The following MINDY4 variants were observed in gnomAD, a reference collection of about 807,000 sequenced individuals.
MINDY4 encodes MINDY lysine 48 deubiquitinase 4, also known as probable ubiquitin carboxyl-terminal hydrolase MINDY-4.
A neutral mutation model predicts 87.0 loss-of-function variants in MINDY4; 68 were observed. The ratio of observed to expected loss-of-function variants is 0.78; its 90% CI spans 0.64 to 0.96. MINDY4 has a LOEUF of 0.96. Among genes scored for constraint, MINDY4 ranks in the 40% least tolerant of loss-of-function variants. The pLI, the probability that MINDY4 is intolerant of heterozygous loss-of-function variation, is 0.00. For missense variants in MINDY4, 919 were observed against 928.2 expected (o/e 0.99, Z 0.13); for synonymous variants, 379 against 363.2 (o/e 1.04, Z -0.50).
intron 1 of MINDY4, 105 bp from the exon 2 acceptor site, chr7:30,778,327 A>C: frequency 7.1e-7 from 1 of 1,418,080 alleles, no homozygotes; most frequent in South Asian, 1.2e-5. Context: ...TAAAGGTTAT[A>C]TGAGAATTAT....
intron 1 of MINDY4, among the ~76,000 whole-genome samples, chr7:30,776,889 G>A (rs1257981390): frequency 2.6e-5 from 4 of 152,216 alleles, no homozygotes; most frequent in African/African-American, 7.2e-5. Flanking sequence ...TTTGTTGGGC[G>A]AATGAAGTTT....
intron 5 of MINDY4, among the ~76,000 whole-genome samples, chr7:30,805,979 A>G (rs1787794272): frequency 6.6e-6 from 1 of 152,204 alleles, no homozygotes; most frequent in Non-Finnish European, 1.5e-5. Context: ...CAGTGCTGAC[A>G]ATACCAGAGT....
intron 9 of MINDY4, among the ~76,000 whole-genome samples, chr7:30,845,020 T>C (rs751782574): frequency 2.0e-5 from 3 of 152,198 alleles, no homozygotes; most frequent in Non-Finnish European, 4.4e-5. Context: ...GGGTCACATC[T>C]GGCATCCCTG....
chr7:30,792,563 C>G (rs535181358), intron 5 of MINDY4, among the ~76,000 whole-genome samples: 11 of 152,116 alleles, frequency 7.2e-5, no homozygotes, highest in African/African-American at 2.7e-4. Context: ...TTTCAACTTT[C>G]TTCTTGTGTA....
intron 2 of MINDY4, chr7:30,781,388 C>T (rs1217354936): frequency 2.0e-5 from 3 of 152,308 alleles, no homozygotes; most frequent in Non-Finnish European, 4.4e-5. Flanking sequence ...ATACTGGTAT[C>T]GTTTAATTCC....
chr7:30,880,324 G>A (rs1381688390), intron 15 of MINDY4, among the ~76,000 whole-genome samples: 5 of 110,698 alleles, frequency 4.5e-5, no homozygotes, highest in East Asian at 5.4e-4. Flanking sequence ...CCCCGACTGC[G>A]GCCTTGCCCC....
intron 12 of MINDY4, among the ~76,000 whole-genome samples, chr7:30,857,110 G>A (rs1253766520): frequency 6.6e-6 from 1 of 152,172 alleles, no homozygotes; most frequent in Admixed American, 6.5e-5. Flanking sequence ...AAGACTGGAA[G>A]TTGCTTTGAA....
At chr7:30,845,534 A>C (rs1562551422) in intron 9 of MINDY4, among the ~76,000 whole-genome samples, 1 of 151,366 alleles carries the variant, frequency 6.6e-6, no homozygotes, top group African/African-American at 2.4e-5. Flanking sequence ...AAAAAAAAAA[A>C]AAGGGCAAGC....
chr7:30,824,413 T>C (rs1362880327), intron 5 of MINDY4, among the ~76,000 whole-genome samples: 1 of 152,132 alleles, frequency 6.6e-6, no homozygotes, highest in East Asian at 1.9e-4. Flanking sequence ...ACGGCCACAC[T>C]GGGGATTAAA....
At chr7:30,803,961 CAT>C (rs1787733471) in intron 5 of MINDY4, among the ~76,000 whole-genome samples, 1 of 152,194 alleles carries the variant, frequency 6.6e-6, no homozygotes, top group African/African-American at 2.4e-5. Context: ...TGGGGCCTGA[CAT>C]AGAGAGAGCC....
Position 30,782,208 on chromosome 7 carries a change from G to A in MINDY4, c.415G>A (p.Ala139Thr). Residue 139 changes from alanine (A) to threonine (T), a missense_variant, in exon 3 of 18, where the codon GCC (alanine) becomes ACC (threonine). Transcript: ENST00000265299. The part of the protein sequence containing the change: ...WRTSLSETSK[A>T]RHDNLDGDVL... The stretch of plus-strand genomic sequence containing the variant: ...AACATCATTGTCAGAAACAAGCAAA[G>A]CCAGGTATCTTTTCCCATTATTATG... 1 of 1,609,242 alleles carries A rather than the reference G, an allele frequency of 6.2e-7. No individual in the cohort carries two copies. Among genetic ancestry groups the A allele is most frequent in the Non-Finnish European group, 8.5e-7 (1 of 1,177,066 alleles).
chr7:30,888,150 C>T (rs1001041717), intron 17 of MINDY4, among the ~76,000 whole-genome samples: 1 of 152,160 alleles, frequency 6.6e-6, no homozygotes, highest in African/African-American at 2.4e-5. Flanking sequence ...GGTAACCACC[C>T]CTCTGTTGCA....
rs771270620 is a variant in MINDY4 at position 30,841,802 on chromosome 7, CT to C, written c.1445+955del. Among the ~76,000 whole-genome samples the C allele has an allele frequency of 2.6e-5, 4 of 152,274 alleles. 1 individual carries two copies. In the East Asian group the frequency reaches 5.8e-4, roughly 22 times the overall value. On this transcript the variant is annotated intron_variant, in intron 9 of 17. Coordinates refer to ENST00000265299, the MANE Select transcript of MINDY4 (RefSeq NM_032222.3). ...ATCCTCTGGTACCCAGCAGGTACCC[CT>C]ATTCTCCTGAAGTTATATTAATAAT...
intron 1 of MINDY4, among the ~76,000 whole-genome samples, chr7:30,774,587 A>G (rs1048880623): frequency 2.6e-5 from 4 of 151,922 alleles, no homozygotes; most frequent in Admixed American, 6.6e-5. Flanking sequence ...TCTCGAACCC[A>G]TTTTAATCAG....
chr7:30,814,700 C>T (rs576114987), intron 5 of MINDY4, among the ~76,000 whole-genome samples: 1 of 152,300 alleles, frequency 6.6e-6, no homozygotes, highest in South Asian at 2.1e-4. Context: ...AAAGGTAAAT[C>T]AAAGCCCAGG....
intron 10 of MINDY4, 49 bp from the exon 11 acceptor site, chr7:30,852,167 A>G: frequency 6.2e-7 from 1 of 1,611,434 alleles, no homozygotes; most frequent in Non-Finnish European, 8.5e-7. Flanking sequence ...GCTGGAGGGC[A>G]CGCCTTCTCT....
At chr7:30,828,600 A>G (rs1788592458) in intron 5 of MINDY4, 79 bp from the exon 6 acceptor site, 2 of 1,446,166 alleles carry the variant, frequency 1.4e-6, no homozygotes, top group Non-Finnish European at 9.7e-7. Context: ...ATGCCTATCC[A>G]TCGCTCTTAA....
chr7:30,848,120 GTT>G (rs1438473446), intron 9 of MINDY4, among the ~76,000 whole-genome samples: 19 of 152,346 alleles, frequency 1.2e-4, no homozygotes, highest in African/African-American at 4.6e-4. Context: ...GTGTAGAAGT[GTT>G]TGACAGGGGG....
At position 30,872,002 on chromosome 7, in the gene MINDY4, G is replaced by C. The variant is rs145083187; in HGVS notation, c.1746-241G>C. Among the ~76,000 whole-genome samples the C allele has an allele frequency of 2.5e-4, 38 of 152,254 alleles. No homozygotes were observed. In the East Asian group the frequency reaches 6.8e-3, roughly 27 times the overall value. On this transcript the variant is annotated intron_variant, in intron 13 of 17. Coordinates refer to ENST00000265299, the MANE Select transcript of MINDY4 (RefSeq NM_032222.3). ...TGTAGGCAGAGCCCTGGTGCGGCTGGAGTGGAGGCCATTGCCCAGAGAATG... is the reference window on the plus strand; with the variant it reads ...TGTAGGCAGAGCCCTGGTGCGGCTGCAGTGGAGGCCATTGCCCAGAGAATG...
Sources: gnomAD v4.1 joint callset for allele counts (sites outside exome capture counted in the v4.1 genomes callset) on GRCh38, gnomAD v4.1.1 for gene constraint, MANE v1.5 for transcripts, NCBI Gene and HGNC (gene_info 2026-07-23, HGNC 2026-07-21) for gene names.